TMEM266: variants seen among roughly 807,000 people sequenced by gnomAD.
The protein encoded by TMEM266 is transmembrane protein 266.
In TMEM266, 33 loss-of-function variants were observed where a neutral mutation model predicts 50.5. That is an observed-to-expected ratio of 0.65 (90% CI 0.50 to 0.87). The LOEUF (loss-of-function observed/expected upper bound fraction) is 0.87. Among genes scored for constraint, TMEM266 ranks in the 40% least tolerant of loss-of-function variants. TMEM266 has a pLI of 0.00. For synonymous variants in TMEM266, 310 were observed against 292.3 expected (o/e 1.06, Z -0.62); for missense variants, 655 against 695.1 (o/e 0.94, Z 0.65).
rs947542597 is a variant in TMEM266 at position 76,204,371 on chromosome 15, G to C, written c.*56G>C. 2.7e-6 allele frequency: 4 copies of C among 1,499,912 alleles called. No homozygotes were observed. The highest frequency in any genetic ancestry group is 3.6e-6 in the Non-Finnish European group (4 of 1,111,240). 92.9% of individuals were successfully genotyped at this position (1,499,912 alleles called of 1,614,324 possible). ...AGACAGCCATCTCAAAGCTCTCCTG[G>C]GACCCTGGAGGCTGCCAAGGGCCAC... On this transcript the variant is annotated 3_prime_UTR_variant, in exon 11 of 11. Transcript: ENST00000388942.
intron 1 of TMEM266, among the ~76,000 whole-genome samples, chr15:76,066,194 C>T (rs2036415267): frequency 6.6e-6 from 1 of 152,148 alleles, no homozygotes; most frequent in South Asian, 2.1e-4. Flanking sequence ...TTTACTTGGC[C>T]CTTCCAAAAT....
In TMEM266 at chr15:76,161,765, G is replaced by C. The variant is rs1323490141; in HGVS notation, c.456+1597G>C. On this transcript the variant is annotated intron_variant, in intron 5 of 10. Coordinates refer to ENST00000388942, the MANE Select transcript of TMEM266 (RefSeq NM_152335.3). The surrounding 1 kb of genome is among the most constrained non-coding windows in gnomAD (Gnocchi z 4.1). ...CGCAGAGCAGAGTGCCTGCTCCCCA[G>C]CTTACAGCCCCCATGTGGGTCTTGC... Among the ~76,000 whole-genome samples the C allele has an allele frequency of 1.3e-5, 2 of 152,138 alleles. No homozygotes were observed. The highest frequency in any genetic ancestry group is 4.1e-4 in the South Asian group (2 of 4,828).
In TMEM266 at chr15:76,062,911, C is replaced by T. The variant is rs148750645; in HGVS notation, c.-97+2895C>T. Among the ~76,000 whole-genome samples, 485 of 152,266 alleles carry T rather than the reference C, an allele frequency of 3.2e-3. 1 individual carries two copies. Among genetic ancestry groups the T allele is most frequent in the African/African-American group, 0.011 (445 of 41,544 alleles). ...GAGAGTGGGGGAAAAGTTTTCCAAG[C>T]TATGAAACTCACATGTCTGTGGTGA... On this transcript the variant is annotated intron_variant, in intron 1 of 10. Transcript: ENST00000388942.
chr15:76,092,980 G>A (rs1350339462), intron 1 of TMEM266, among the ~76,000 whole-genome samples: 2 of 150,782 alleles, frequency 1.3e-5, no homozygotes, highest in African/African-American at 2.4e-5. Flanking sequence ...ACTAATTTTT[G>A]TATTTTTAGT....
At chr15:76,145,367 G>A (rs2037742008) in intron 3 of TMEM266, among the ~76,000 whole-genome samples, 1 of 152,138 alleles carries the variant, frequency 6.6e-6, no homozygotes, top group Non-Finnish European at 1.5e-5. Context: ...GATTTCCACT[G>A]GTTCCTTCCA....
intron 8 of TMEM266, 131 bp from the exon 9 acceptor site, chr15:76,191,837 T>G: frequency 1.2e-6 from 1 of 812,180 alleles, no homozygotes; most frequent in East Asian, 3.3e-5. Flanking sequence ...TAAGGAATCA[T>G]CCAGCTGCGG....
chr15:76,089,149 A>G (rs568375526), intron 1 of TMEM266, among the ~76,000 whole-genome samples: 1 of 149,552 alleles, frequency 6.7e-6, no homozygotes, highest in South Asian at 2.1e-4. Context: ...TTCAAGAGGA[A>G]GTATTACAGG....
At chr15:76,126,391 A>G (rs1420841079) in intron 1 of TMEM266, among the ~76,000 whole-genome samples, 1 of 149,048 alleles carries the variant, frequency 6.7e-6, no homozygotes, top group East Asian at 1.9e-4. Context: ...ATATATATAT[A>G]TATATATATA....
intron 3 of TMEM266, among the ~76,000 whole-genome samples, chr15:76,138,832 T>C (rs1043320406): frequency 1.3e-5 from 2 of 152,210 alleles, no homozygotes; most frequent in African/African-American, 4.8e-5. Flanking sequence ...GTGGTCTGTC[T>C]TACAAACATA....
At chr15:76,165,948 T>C (rs566337951) in intron 5 of TMEM266, among the ~76,000 whole-genome samples, 3 of 152,258 alleles carry the variant, frequency 2.0e-5, no homozygotes, top group Admixed American at 2.0e-4. Context: ...CGGGGGAGTT[T>C]GTTTAAAAAG....
chr15:76,187,315 A>G (rs1276061953), intron 8 of TMEM266, among the ~76,000 whole-genome samples: 3 of 152,364 alleles, frequency 2.0e-5, no homozygotes, highest in African/African-American at 4.8e-5. Flanking sequence ...GGGCAGCTCC[A>G]TATCAATTAC....
At chr15:76,156,452 A>G (rs1283640708) in intron 3 of TMEM266, 152 bp from the exon 4 acceptor site, 1 of 718,076 alleles carries the variant, frequency 1.4e-6, no homozygotes, top group Non-Finnish European at 2.3e-6. Context: ...CAGCCTCTTG[A>G]ATGAGGTTGT....
At chr15:76,122,081 T>C (rs961937294) in intron 1 of TMEM266, among the ~76,000 whole-genome samples, 1 of 152,268 alleles carries the variant, frequency 6.6e-6, no homozygotes, top group Non-Finnish European at 1.5e-5. Context: ...CACAGCTGGG[T>C]GGCTCTTTTG....
At chr15:76,089,525 G>T (rs979744960) in intron 1 of TMEM266, among the ~76,000 whole-genome samples, 2 of 152,108 alleles carry the variant, frequency 1.3e-5, no homozygotes, top group Non-Finnish European at 2.9e-5. Flanking sequence ...TGTAGAATTC[G>T]TGGGGTTGAA....
chr15:76,101,752 T>G (rs773231053), intron 1 of TMEM266, among the ~76,000 whole-genome samples: 1 of 152,192 alleles, frequency 6.6e-6, no homozygotes, highest in African/African-American at 2.4e-5. Flanking sequence ...TTTATCACCC[T>G]CAGACTGCAC....
chr15:76,097,012 C>T (rs1034515369), intron 1 of TMEM266, among the ~76,000 whole-genome samples: 4 of 148,210 alleles, frequency 2.7e-5, no homozygotes, highest in Non-Finnish European at 5.9e-5. Flanking sequence ...TGTGTCTTTG[C>T]ACGTGAGATG....
chr15:76,125,037 T>C (rs2037399056), intron 1 of TMEM266, among the ~76,000 whole-genome samples: 1 of 152,108 alleles, frequency 6.6e-6, no homozygotes, highest in African/African-American at 2.4e-5. Context: ...AATAAACCCA[T>C]GCCTTTATGG....
At chr15:76,146,849 C>A (rs56036713) in intron 3 of TMEM266, among the ~76,000 whole-genome samples, 2 of 152,156 alleles carry the variant, frequency 1.3e-5, no homozygotes, top group African/African-American at 2.4e-5. Flanking sequence ...AGCACCTTTC[C>A]TACCTCCATC....
At chr15:76,202,291 A>G (rs777546196) in intron 10 of TMEM266, 27 bp downstream of exon 10, 7 of 1,593,936 alleles carry the variant, frequency 4.4e-6, no homozygotes, top group Middle Eastern at 3.3e-4. Context: ...GCTGTTCTAC[A>G]TGTGCCACAA....
Sources: gnomAD v4.1 joint callset for allele counts (sites outside exome capture counted in the v4.1 genomes callset) on GRCh38, gnomAD v4.1.1 for gene constraint, Gnocchi (gnomAD v3.1) non-coding constraint, MANE v1.5 for transcripts, NCBI Gene and HGNC (gene_info 2026-07-23, HGNC 2026-07-21) for gene names.